Variants in IFNG observed in about 807,000 individuals in gnomAD.
IFNG encodes the protein IFN-gamma.
A neutral mutation model predicts 14.4 loss-of-function variants in IFNG; 8 were observed. That is an observed-to-expected ratio of 0.56 (90% CI 0.33 to 1.00). IFNG has a LOEUF of 1.00. IFNG is among the 50% of genes least tolerant of loss of function. The pLI, the probability that IFNG is intolerant of heterozygous loss-of-function variation, is 0.03. For missense variants in IFNG, 132 were observed against 194.9 expected (o/e 0.68, Z 1.92); for synonymous variants, 73 against 65.4 (o/e 1.12, Z -0.56).
intron 3 of IFNG, among the ~76,000 whole-genome samples, chr12:68,156,510 C>A (rs1882603758): frequency 6.6e-6 from 1 of 152,102 alleles, no homozygotes; most frequent in Admixed American, 6.6e-5. Context: ...TGTCAAAGGG[C>A]ATAACATGCA....
chr12:68,157,263 G>A (rs1882614642), intron 3 of IFNG, among the ~76,000 whole-genome samples: 1 of 152,102 alleles, frequency 6.6e-6, no homozygotes, highest in South Asian at 2.1e-4. Context: ...CTTCTAATTG[G>A]GCAGTACAAT....
In IFNG at chr12:68,155,260, A is replaced by G; in HGVS notation, c.*93T>C. 1.2e-6 allele frequency: 1 copy of G among 823,306 alleles called. No individual in the cohort carries two copies. Among genetic ancestry groups the G allele is most frequent in the Non-Finnish European group, 1.8e-6 (1 of 568,838 alleles). The allele number at this position is 823,306 out of a possible 1,614,324, so 51.0% of individuals were successfully genotyped here. On this transcript the variant is annotated 3_prime_UTR_variant, in exon 4 of 4. Coordinates refer to ENST00000229135, the MANE Select transcript of IFNG (RefSeq NM_000619.3). ...GCTATTATAAATACTTATTTGATTGATGAGTCTAAAAATATATTCCCCATA... is the reference window on the plus strand; with the variant it reads ...GCTATTATAAATACTTATTTGATTGGTGAGTCTAAAAATATATTCCCCATA...
At position 68,159,605 on chromosome 12, in the gene IFNG, G is replaced by A. The variant is rs371849964; in HGVS notation, c.11C>T (p.Thr4Ile). 2.5e-6 allele frequency: 4 copies of A among 1,581,454 alleles called. No homozygotes were observed. The African/African-American group carries it at 5.4e-5, about 21-fold the overall frequency. The change falls in exon 1 of 4, where the codon ACA becomes ATA. Residue 4 changes from threonine (T) to isoleucine (I), a missense_variant. Thr to Ile is a moderately conservative substitution (Grantham distance 89). Transcript: ENST00000229135. MKYTSYILAFQLCI... is the reference protein window; with the variant it reads MKYISYILAFQLCI... ...GAGCTGAAAAGCCAAGATATAACTTGTATATTTCATCGTTTCCGAGAGAAT... is the reference window on the plus strand; with the variant it reads ...GAGCTGAAAAGCCAAGATATAACTTATATATTTCATCGTTTCCGAGAGAAT...
At chr12:68,157,753 G>A (rs1459142334) in intron 3 of IFNG, among the ~76,000 whole-genome samples, 160 bp downstream of exon 3, 2 of 152,188 alleles carry the variant, frequency 1.3e-5, no homozygotes, top group African/African-American at 2.4e-5. Context: ...GCTTTGCAAA[G>A]TCACCCAAAC....
intron 3 of IFNG, among the ~76,000 whole-genome samples, chr12:68,157,348 A>C (rs1882616220): frequency 2.0e-5 from 3 of 152,164 alleles, no homozygotes; most frequent in South Asian, 4.1e-4. Context: ...CTTCTATCTC[A>C]TTCTCATTTT....
chr12:68,156,849 T>C (rs1186347121), intron 3 of IFNG, among the ~76,000 whole-genome samples: 1 of 152,056 alleles, frequency 6.6e-6, no homozygotes, highest in Non-Finnish European at 1.5e-5. Flanking sequence ...TTGCCATGTC[T>C]CTCCTTTCTG....
intron 3 of IFNG, 51 bp from the exon 4 acceptor site, chr12:68,155,538 G>T: frequency 1.3e-6 from 2 of 1,535,520 alleles, no homozygotes; most frequent in Middle Eastern, 1.7e-4. Context: ...AAGCCATCAG[G>T]ATATTCTGCT....
chr12:68,157,308 C>T (rs1222299959), intron 3 of IFNG, among the ~76,000 whole-genome samples: 2 of 152,118 alleles, frequency 1.3e-5, no homozygotes, highest in Non-Finnish European at 2.9e-5. Flanking sequence ...AGTGGGGTGT[C>T]CCTGGTACCT....
At chr12:68,156,436 G>A (rs1030523432) in intron 3 of IFNG, among the ~76,000 whole-genome samples, 1 of 65,478 alleles carries the variant, frequency 1.5e-5, no homozygotes, top group East Asian at 1.0e-3. Flanking sequence ...TTCTAATCTT[G>A]GGAACACTAT....
chr12:68,155,279 C>A lies in IFNG; in HGVS notation c.*74G>T. On this transcript the variant is annotated 3_prime_UTR_variant, in exon 4 of 4. Transcript: ENST00000229135. ...TGATTGATGAGTCTAAAAATATATT[C>A]CCCATATAAATAATGTTAAATATTA... 1.9e-6 allele frequency: 2 copies of A among 1,054,438 alleles called. No homozygotes were observed. Among genetic ancestry groups the A allele is most frequent in the Admixed American group, 3.2e-5 (1 of 31,032 alleles). 65.3% of individuals were successfully genotyped at this position (1,054,438 alleles called of 1,614,324 possible).
intron 1 of IFNG, 55 bp downstream of exon 1, chr12:68,159,447 T>A: frequency 1.2e-6 from 1 of 803,638 alleles, no homozygotes; most frequent in Non-Finnish European, 2.1e-6. Flanking sequence ...CTACAGCAAG[T>A]CGATATTCAG....
chr12:68,157,416 G>A (rs1861493), intron 3 of IFNG, among the ~76,000 whole-genome samples: 115,574 of 152,034 alleles, frequency 0.76, 44,711 homozygotes, highest in Middle Eastern at 0.95. Context: ...TATACAGTGA[G>A]CCTAACAGTT....
intron 3 of IFNG, among the ~76,000 whole-genome samples, chr12:68,156,438 G>C (rs1423356291): frequency 1.8e-5 from 1 of 56,926 alleles, no homozygotes; most frequent in African/African-American, 1.5e-4. Flanking sequence ...CTAATCTTGG[G>C]AACACTATGG....
intron 3 of IFNG, among the ~76,000 whole-genome samples, chr12:68,157,208 T>C (rs1882613859): frequency 6.6e-6 from 1 of 152,160 alleles, no homozygotes; most frequent in Non-Finnish European, 1.5e-5. Flanking sequence ...AGGTATAAAT[T>C]CTATCTATTT....
chr12:68,158,097 T>G lies in IFNG; in HGVS notation c.184-2A>C. On this transcript the variant is annotated splice_acceptor_variant, in intron 2 of 3. Coordinates refer to ENST00000229135, the MANE Select transcript of IFNG (RefSeq NM_000619.3). LOFTEE classifies it high-confidence loss of function. ...CTGCATTATTTTTCTGTCACTCTCC[T>G]TGGAAGGAAAGAGCACAAACAGAGG... 6.3e-7 allele frequency: 1 copy of G among 1,597,808 alleles called. No homozygotes were observed. The highest frequency in any genetic ancestry group is 8.5e-7 in the Non-Finnish European group (1 of 1,170,830).
At chr12:68,155,982 T>C (rs186606109) in intron 3 of IFNG, among the ~76,000 whole-genome samples, 85 of 152,314 alleles carry the variant, frequency 5.6e-4, no homozygotes, top group African/African-American at 1.9e-3. Flanking sequence ...CTGTTGTGCA[T>C]AGCAGATTAA....
rs1386140712 is a variant in IFNG, at chr12:68,157,989, T to C, written c.290A>G (p.Lys97Arg). 6.2e-7 allele frequency: 1 copy of C among 1,611,110 alleles called. No individual in the cohort carries two copies. Among genetic ancestry groups the C allele is most frequent in the East Asian group, 2.2e-5 (1 of 44,810 alleles). Residue 97 changes from lysine to arginine, a missense_variant, in exon 3 of 4, where the codon AAG becomes AGG. By Grantham distance (26) the Lys-to-Arg change is conservative. Coordinates refer to ENST00000229135, the MANE Select transcript of IFNG (RefSeq NM_000619.3). ...GAAAAACTTGACATTCATGTCTTCC[T>C]TGATGGTCTCCACACTCTTTTGGAT... The part of the protein sequence containing the change: ...QSIQKSVETI[K>R]EDMNVKFFNS...
Position 68,159,662 on chromosome 12 carries a change from G to T in IFNG, c.-47C>A. 1.0e-6 allele frequency: 1 copy of T among 961,994 alleles called. No homozygotes were observed. The highest frequency in any genetic ancestry group is 1.7e-6 in the Non-Finnish European group (1 of 605,504). The allele number at this position is 961,994 out of a possible 1,614,324, so 59.6% of individuals were successfully genotyped here. On this transcript the variant is annotated 5_prime_UTR_variant, in exon 1 of 4. Transcript: ENST00000229135. The stretch of plus-strand genomic sequence containing the variant: ...AAAGAAGTTGAAATCAGTAGTTCTT[G>T]TATCAAGCTGATCAGGTCCAAAGGA...
chr12:68,158,673 A>AT (rs931204903), intron 1 of IFNG, among the ~76,000 whole-genome samples: 1 of 151,752 alleles, frequency 6.6e-6, no homozygotes, highest in East Asian at 1.9e-4. Flanking sequence ...CCTGTAGGGT[A>AT]TTATTATACG....
Sources: gnomAD v4.1 joint callset for allele counts (sites outside exome capture counted in the v4.1 genomes callset) on GRCh38, gnomAD v4.1.1 for gene constraint, MANE v1.5 for transcripts, NCBI Gene and HGNC (gene_info 2026-07-23, HGNC 2026-07-21) for gene names.